Variants in DNAI3 observed in about 807,000 individuals in gnomAD.
The protein encoded by DNAI3 is dynein axonemal intermediate chain 3.
DNAI3 carries 83 observed loss-of-function variants against 115.5 expected under a neutral mutation model. The observed-to-expected ratio is 0.72, with a 90% CI of 0.60 to 0.86. The LOEUF (loss-of-function observed/expected upper bound fraction) is 0.86. DNAI3 is among the 40% of genes least tolerant of loss of function. DNAI3 has a pLI of 0.00. For synonymous variants in DNAI3, 320 were observed against 347.0 expected, an observed-to-expected ratio of 0.92 and a Z score of 0.86; for missense variants, 1,004 against 1,075.8, an observed-to-expected ratio of 0.93 and a Z score of 0.93.
intron 22 of DNAI3, among the ~76,000 whole-genome samples, chr1:85,131,441 T>C (rs1656318132): frequency 1.8e-5 from 1 of 55,250 alleles, no homozygotes. Flanking sequence ...CGAAACTCCA[T>C]CTCAAAAAAA....
chr1:85,093,719 T>C (rs185473682), intron 9 of DNAI3, 71 bp downstream of exon 9: 3 of 1,578,494 alleles, frequency 1.9e-6, no homozygotes, highest in African/African-American at 2.7e-5. Context: ...ATATGTAAAA[T>C]TGCAAACTAG....
chr1:85,063,489 G>A (rs1306667920), intron 1 of DNAI3, among the ~76,000 whole-genome samples: 1 of 152,204 alleles, frequency 6.6e-6, no homozygotes, highest in East Asian at 1.9e-4. Context: ...ACTTATGTGA[G>A]TTCAGACTCT....
intron 3 of DNAI3, among the ~76,000 whole-genome samples, chr1:85,074,122 C>T (rs1654374875): frequency 6.6e-6 from 1 of 152,110 alleles, no homozygotes; most frequent in African/African-American, 2.4e-5. Flanking sequence ...ATGTGAATTC[C>T]ACCTGTTTTA....
intron 13 of DNAI3, among the ~76,000 whole-genome samples, chr1:85,100,137 T>A (rs1655247132): frequency 6.6e-6 from 1 of 152,024 alleles, no homozygotes; most frequent in Admixed American, 6.5e-5. Context: ...CTAATTAAAC[T>A]AAAGAGCTTC....
chr1:85,093,482 T>C lies in DNAI3; in HGVS notation c.882T>C (p.Asn294=). 6.2e-7 allele frequency: 1 copy of C among 1,613,896 alleles called. No homozygotes were observed. Among genetic ancestry groups the C allele is most frequent in the African/African-American group, 1.3e-5 (1 of 75,018 alleles). ...SISVEIALQQ[N]EIMNTFIDDW... is the part of the protein sequence containing the mutation. The stretch of plus-strand genomic sequence containing the variant: ...GTGTTGAAATAGCCCTGCAGCAAAA[T>C]GAAATCATGAACACATTTATTGATG... Residue 294 remains asparagine, a synonymous_variant, in exon 9 of 23, where the codon AAT becomes AAC. Transcript: ENST00000294664.
chr1:85,077,751 T>C lies in DNAI3; in HGVS notation c.104-3483T>C, dbSNP rs77891717. On this transcript the variant is annotated intron_variant, in intron 3 of 22. Transcript: ENST00000294664. ...ATGGGTATGTACTTTATCTTGATTG[T>C]GGTAATGGCTTCATGGGGTATGTGC... Among the ~76,000 whole-genome samples the C allele has an allele frequency of 3.4e-3, 512 of 152,216 alleles. 2 individuals are homozygous for C. Among genetic ancestry groups the C allele is most frequent in the African/African-American group, 0.012 (484 of 41,530 alleles).
intron 13 of DNAI3, among the ~76,000 whole-genome samples, chr1:85,103,657 TG>T (rs1439275262): frequency 6.6e-6 from 1 of 151,868 alleles, no homozygotes; most frequent in Non-Finnish European, 1.5e-5. Flanking sequence ...GAGGCCGAGG[TG>T]GGTGGATCAC....
chr1:85,067,901 G>A (rs1654146257), intron 1 of DNAI3, among the ~76,000 whole-genome samples: 1 of 152,228 alleles, frequency 6.6e-6, no homozygotes, highest in Admixed American at 6.5e-5. Context: ...TTTAAGTCCA[G>A]TGAGACCTGT....
chr1:85,066,314 C>CATTTTTTTTTTTT (rs1553164760), intron 1 of DNAI3, among the ~76,000 whole-genome samples: 1 of 70,014 alleles, frequency 1.4e-5, no homozygotes, highest in Non-Finnish European at 2.5e-5. Context: ...TTCTGCTACT[C>CATTTTTTTTTTTT]TTTTTTTTTT....
chr1:85,062,674 G>A (rs916749101), intron 1 of DNAI3, among the ~76,000 whole-genome samples, 188 bp downstream of exon 1: 1 of 152,184 alleles, frequency 6.6e-6, no homozygotes, highest in South Asian at 2.1e-4. Context: ...AAATAGCAAC[G>A]AGAGAGCAGT....
intron 7 of DNAI3, among the ~76,000 whole-genome samples, chr1:85,086,393 C>T (rs1654801941): frequency 6.6e-6 from 1 of 152,140 alleles, no homozygotes; most frequent in Non-Finnish European, 1.5e-5. Flanking sequence ...GGTGTTACTT[C>T]ATTGTCTAGG....
chr1:85,079,484 C>T (rs1450343641), intron 3 of DNAI3, among the ~76,000 whole-genome samples: 5 of 152,134 alleles, frequency 3.3e-5, no homozygotes, highest in African/African-American at 9.7e-5. Flanking sequence ...ACATGAGAGG[C>T]CACATACACT....
chr1:85,121,787 A>G lies in DNAI3; in HGVS notation c.1954A>G (p.Lys652Glu). Residue 652 changes from lysine to glutamate, a missense_variant, in exon 18 of 23, where the codon AAA (lysine) becomes GAA (glutamate). Coordinates refer to ENST00000294664, the MANE Select transcript of DNAI3 (RefSeq NM_145172.5). The part of the protein sequence containing the change: ...EVIYTDWKME[K>E]DPETGRLMSK... The stretch of plus-strand genomic sequence containing the variant: ...GATATACACAGATTGGAAAATGGAA[A>G]AAGACCCTGAAACTGGCCGACTTAT... 1 of 1,614,176 alleles carries G rather than the reference A, an allele frequency of 6.2e-7. No individual in the cohort carries two copies.
In DNAI3 at chr1:85,124,266, A is replaced by G. The variant is rs781535170; in HGVS notation, c.2112+15A>G. On this transcript the variant is annotated intron_variant, in intron 19 of 22. Coordinates refer to ENST00000294664, the MANE Select transcript of DNAI3 (RefSeq NM_145172.5). ...AAGGTGTTATGGTAAGTTGCCTGCA[A>G]AATGGAAGCATGAGTGTGTGATCTT... The G allele has an allele frequency of 3.1e-6, 5 of 1,614,050 alleles. No homozygotes were observed. The highest frequency in any genetic ancestry group is 1.3e-5 in the African/African-American group (1 of 74,928).
rs565261874 is a variant in DNAI3 at position 85,099,957 on chromosome 1, A to C, written c.1479+1299A>C. Among the ~76,000 whole-genome samples the C allele has an allele frequency of 1.8e-3, 281 of 152,306 alleles. 1 individual carries two copies. The highest frequency in any genetic ancestry group is 3.2e-3 in the Non-Finnish European group (216 of 68,014). ...AAACTGGATCCCTTCCTTACACCTT[A>C]TACAAAAATTAATTCAAGATGGATT... On this transcript the variant is annotated intron_variant, in intron 13 of 22. Coordinates refer to ENST00000294664, the MANE Select transcript of DNAI3 (RefSeq NM_145172.5).
chr1:85,094,630 T>C (rs709765), intron 10 of DNAI3, 75 bp downstream of exon 10: 869,952 of 1,529,274 alleles, frequency 0.57, 248,319 homozygotes, highest in African/African-American at 0.67. Flanking sequence ...CAGTTTTTAT[T>C]GCAAAGTACT....
chr1:85,117,903 C>T, intron 17 of DNAI3, 44 bp downstream of exon 17: 2 of 1,580,780 alleles, frequency 1.3e-6, no homozygotes, highest in South Asian at 2.3e-5. Flanking sequence ...CTTATTTATA[C>T]TAAAATATGT....
chr1:85,065,181 A>C (rs4907020), intron 1 of DNAI3, among the ~76,000 whole-genome samples: 130,575 of 151,420 alleles, frequency 0.86, 56,488 homozygotes, highest in South Asian at 0.92. Context: ...GTAAGGAAGA[A>C]CCCAGTTAAA....
intron 22 of DNAI3, among the ~76,000 whole-genome samples, chr1:85,130,874 C>T (rs757636043): frequency 2.6e-5 from 4 of 152,126 alleles, no homozygotes; most frequent in Admixed American, 6.5e-5. Context: ...CCCATGCTCC[C>T]TTTCTCAGCT....
Sources: allele counts gnomAD v4.1 joint callset (sites outside exome capture counted in the v4.1 genomes callset), GRCh38; gene constraint gnomAD v4.1.1; transcripts MANE v1.5; gene names NCBI Gene and HGNC (gene_info 2026-07-23, HGNC 2026-07-21).